ATF7: variants seen among roughly 807,000 people sequenced by gnomAD.
The protein encoded by ATF7 is cyclic AMP-dependent transcription factor ATF-7.
Under a neutral mutation model 50.4 loss-of-function variants are expected in ATF7, and 10 were observed. The observed-to-expected ratio is 0.20, with a 90% confidence interval of 0.12 to 0.34. ATF7 has a LOEUF of 0.34. ATF7 is among the 10% of genes least tolerant of loss of function. ATF7 has a pLI of 1.00. For missense variants in ATF7, 465 were observed against 613.9 expected (o/e 0.76, Z 2.56); for synonymous variants, 201 against 226.4 (o/e 0.89, Z 1.01).
At chr12:53,578,729 A>AGCTACAACCTTGCC in intron 2 of ATF7, among the ~76,000 whole-genome samples, 1 of 150,090 alleles carries the variant, frequency 6.7e-6, no homozygotes, top group Non-Finnish European at 1.5e-5. Context: ...GGCTGTAGTG[A>AGCTACAACCTTGCC]GCTACAACCT....
intron 1 of ATF7, among the ~76,000 whole-genome samples, chr12:53,608,270 T>C (rs941268562): frequency 3.1e-4 from 46 of 147,706 alleles, no homozygotes; most frequent in African/African-American, 1.1e-3. Flanking sequence ...AAGAGGTCCA[T>C]ATCTGCCTAT....
At chr12:53,620,376 A>G (rs987117567) in intron 1 of ATF7, among the ~76,000 whole-genome samples, 3 of 151,682 alleles carry the variant, frequency 2.0e-5, no homozygotes, top group Admixed American at 1.3e-4. Flanking sequence ...GGAGATCGAG[A>G]CCATCCTGGC....
intron 2 of ATF7, among the ~76,000 whole-genome samples, chr12:53,583,667 G>A (rs894969341): frequency 2.6e-5 from 4 of 151,974 alleles, no homozygotes; most frequent in Non-Finnish European, 5.9e-5. Flanking sequence ...CAACACCAAA[G>A]TCATGATCCA....
At chr12:53,556,790 T>C (rs1940786030) in intron 2 of ATF7, among the ~76,000 whole-genome samples, 1 of 152,150 alleles carries the variant, frequency 6.6e-6, no homozygotes, top group Admixed American at 6.5e-5. Flanking sequence ...TGGTACGCCC[T>C]TACTCATGGC....
chr12:53,565,754 A>G (rs1023070988), intron 2 of ATF7, among the ~76,000 whole-genome samples: 5 of 152,076 alleles, frequency 3.3e-5, no homozygotes, highest in South Asian at 2.1e-4. Flanking sequence ...CAGCTTCCCA[A>G]AGTGCTGGGA....
rs1348514072 is a variant in ATF7, at chr12:53,524,455, G to A, written c.1125+109C>T. ...GATTCTTCATGGGACAACTAGATCT[G>A]TCCTAATTAGAGAATTACCATCTTC... On this transcript the variant is annotated intron_variant, in intron 10 of 11. Coordinates refer to ENST00000420353, the MANE Select transcript of ATF7 (RefSeq NM_006856.3). This position sits in a 1 kb window ranked among gnomAD's most constrained non-coding sequence, Gnocchi z 4.6. The A allele has an allele frequency of 3.2e-6, 4 of 1,252,426 alleles. No individual in the cohort carries two copies. Among genetic ancestry groups the A allele is most frequent in the East Asian group, 2.4e-5 (1 of 41,946 alleles). 77.6% of individuals were successfully genotyped at this position (1,252,426 alleles called of 1,614,324 possible).
At chr12:53,625,232 T>C (rs1944556074) in intron 1 of ATF7, among the ~76,000 whole-genome samples, 1 of 152,198 alleles carries the variant, frequency 6.6e-6, no homozygotes, top group Non-Finnish European at 1.5e-5. Context: ...CTTGGACTGC[T>C]TAAGTCCCAA....
At chr12:53,533,130 A>T in intron 7 of ATF7, 30 bp downstream of exon 7, 1 of 1,541,806 alleles carries the variant, frequency 6.5e-7, no homozygotes, top group Non-Finnish European at 9.0e-7. Context: ...CCATGTTGGT[A>T]GGGTTGGCTG....
intron 2 of ATF7, among the ~76,000 whole-genome samples, chr12:53,577,728 A>AAAAG (rs533228352): frequency 0.15 from 21,757 of 147,084 alleles, 1,978 homozygotes; most frequent in African/African-American, 0.23. Context: ...AAAAAAAAAA[A>AAAAG]AAAGAAAGAA....
chr12:53,557,796 G>T (rs899621972), intron 2 of ATF7, among the ~76,000 whole-genome samples: 21 of 152,166 alleles, frequency 1.4e-4, no homozygotes, highest in African/African-American at 3.9e-4. Context: ...TTGCAATGTG[G>T]CTAGTCTGAA....
chr12:53,546,422 T>C (rs1437561292), intron 3 of ATF7, among the ~76,000 whole-genome samples: 1 of 151,250 alleles, frequency 6.6e-6, no homozygotes, highest in Non-Finnish European at 1.5e-5. Flanking sequence ...TTTTGGCTGT[T>C]GAAAATTAAG....
intron 10 of ATF7, among the ~76,000 whole-genome samples, chr12:53,523,742 T>C (rs1043696437): frequency 1.1e-4 from 16 of 152,216 alleles, no homozygotes; most frequent in Admixed American, 7.9e-4. Context: ...CATTGCAACA[T>C]TGTTCTAGCA....
At chr12:53,617,352 G>A (rs1376471650) in intron 1 of ATF7, among the ~76,000 whole-genome samples, 2 of 152,186 alleles carry the variant, frequency 1.3e-5, no homozygotes, top group Non-Finnish European at 2.9e-5. Flanking sequence ...ACTAGGCCAG[G>A]CACAGTGGCT....
intron 2 of ATF7, among the ~76,000 whole-genome samples, chr12:53,554,635 G>T (rs1265256444): frequency 6.6e-6 from 1 of 151,294 alleles, no homozygotes; most frequent in South Asian, 2.1e-4. Flanking sequence ...GGCCTAGGTG[G>T]GTGGATCACT....
rs745587132 is a variant in ATF7 at position 53,561,985 on chromosome 12, C to T, written c.49-9348G>A. ...AAGGAGGACAAACTAAACAGAGGAG[C>T]GGGGACAACCCACCAAACTGTACCT... On this transcript the variant is annotated intron_variant, in intron 2 of 11. Coordinates refer to ENST00000420353, the MANE Select transcript of ATF7 (RefSeq NM_006856.3). Among the ~76,000 whole-genome samples the T allele has an allele frequency of 2.6e-5, 4 of 152,108 alleles. No homozygotes were observed. The South Asian group carries it at 6.2e-4, about 24-fold the overall frequency.
chr12:53,543,069 C>A (rs1012200348), intron 4 of ATF7: 4 of 1,320,670 alleles, frequency 3.0e-6, no homozygotes, highest in South Asian at 2.2e-5. Flanking sequence ...TTTAAAAAAC[C>A]GATTATTAAA....
At chr12:53,601,560 C>T (rs1395537824) in intron 1 of ATF7, among the ~76,000 whole-genome samples, 1 of 152,166 alleles carries the variant, frequency 6.6e-6, no homozygotes, top group Non-Finnish European at 1.5e-5. Flanking sequence ...TATTGGGCTA[C>T]ATGGGAAATG....
intron 2 of ATF7, among the ~76,000 whole-genome samples, chr12:53,589,196 TTA>T (rs1333353296): frequency 1.3e-5 from 2 of 152,194 alleles, no homozygotes; most frequent in African/African-American, 2.4e-5. Context: ...CCATCTGGGT[TTA>T]TGTTACAACT....
At chr12:53,528,080 A>T (rs1938584930) in intron 9 of ATF7, among the ~76,000 whole-genome samples, 1 of 151,738 alleles carries the variant, frequency 6.6e-6, no homozygotes. Context: ...TAACCTTGGG[A>T]TCCACCCGCC....
Sources: gnomAD v4.1 joint callset for allele counts (sites outside exome capture counted in the v4.1 genomes callset) on GRCh38, gnomAD v4.1.1 for gene constraint, Gnocchi (gnomAD v3.1) non-coding constraint, MANE v1.5 for transcripts, NCBI Gene and HGNC (gene_info 2026-07-23, HGNC 2026-07-21) for gene names.